Variants in ACTN4 observed in about 807,000 individuals in gnomAD.
ACTN4 encodes actinin alpha 4.
Under a neutral mutation model 114.2 loss-of-function variants are expected in ACTN4, and 18 were observed. That is an observed-to-expected ratio of 0.16 (90% CI 0.11 to 0.23). The LOEUF is 0.23. Ranked by LOEUF, ACTN4 falls within the 10% of genes least tolerant of loss-of-function variation. ACTN4 has a pLI of 1.00. For missense variants in ACTN4, 722 were observed against 1,262.9 expected (o/e 0.57, Z 6.49); for synonymous variants, 515 against 506.3 (o/e 1.02, Z -0.23).
At chr19:38,710,417 C>A in intron 8 of ACTN4, 75 bp downstream of exon 8, 1 of 1,483,180 alleles carries the variant, frequency 6.7e-7, no homozygotes, top group South Asian at 1.1e-5. Context: ...CTCCCGTGCT[C>A]ACCTCATTTC....
chr19:38,689,727 GC>G (rs1055469448), intron 1 of ACTN4, among the ~76,000 whole-genome samples: 16 of 152,134 alleles, frequency 1.1e-4, no homozygotes, highest in African/African-American at 3.9e-4. Flanking sequence ...AGGCTGGAGT[GC>G]AGTGGCGCGA....
At chr19:38,656,794 G>A (rs1289361229) in intron 1 of ACTN4, among the ~76,000 whole-genome samples, 1 of 152,206 alleles carries the variant, frequency 6.6e-6, no homozygotes, top group Non-Finnish European at 1.5e-5. Context: ...CCCCAAAGGT[G>A]TGGGGCTGAG....
At chr19:38,655,636 G>A (rs974258872) in intron 1 of ACTN4, among the ~76,000 whole-genome samples, 4 of 152,118 alleles carry the variant, frequency 2.6e-5, no homozygotes, top group African/African-American at 4.8e-5. Context: ...CTCATGACTG[G>A]ATGATGCTTG....
intron 1 of ACTN4, among the ~76,000 whole-genome samples, chr19:38,662,909 G>GT (rs377341870): frequency 0.18 from 26,205 of 142,088 alleles, 2,556 homozygotes; most frequent in Middle Eastern, 0.4. Flanking sequence ...AAGTGGGTCT[G>GT]TTTTTTTTTT....
chr19:38,697,380 C>T (rs546252751), intron 1 of ACTN4, among the ~76,000 whole-genome samples: 3 of 152,328 alleles, frequency 2.0e-5, no homozygotes, highest in East Asian at 1.9e-4. Context: ...CACACACATG[C>T]GTGTGATTCA....
intron 1 of ACTN4, among the ~76,000 whole-genome samples, chr19:38,678,301 G>C (rs1324047738): frequency 6.6e-6 from 1 of 152,146 alleles, no homozygotes; most frequent in Non-Finnish European, 1.5e-5. Flanking sequence ...GCTACCTGCA[G>C]GTAAAATTAA....
rs1335861068 is a variant in ACTN4 at position 38,714,557 on chromosome 19, G to C, written c.908G>C (p.Ser303Thr). Residue 303 changes from serine to threonine, a missense_variant, in exon 9 of 21, where the codon AGC becomes ACC. Physicochemically the swap from Ser to Thr is moderately conservative, Grantham distance 58. Around this residue, in one of 3 missense-constraint regions of ACTN4, gnomAD observed 523 missense variants for 875.9 expected, o/e 0.60. Transcript: ENST00000252699. Reference sequence around the variant, plus strand: ...ATGGAGGACTACGAGAAGCTGGCCAGCGACGTGAGTGTTCCCCCAGTGAAA... The same window carrying C: ...ATGGAGGACTACGAGAAGCTGGCCACCGACGTGAGTGTTCCCCCAGTGAAA... ...HLMEDYEKLA[S>T]DLLEWIRRTI... is the part of the protein sequence containing the mutation. 1 of 1,614,012 alleles carries C rather than the reference G, an allele frequency of 6.2e-7. No homozygotes were observed.
At chr19:38,690,320 C>T (rs541029139) in intron 1 of ACTN4, among the ~76,000 whole-genome samples, 7 of 152,368 alleles carry the variant, frequency 4.6e-5, no homozygotes, top group Admixed American at 2.0e-4. Flanking sequence ...TCCACCCCTC[C>T]GGATCCAGCA....
At chr19:38,664,065 T>C (rs1312972629) in intron 1 of ACTN4, among the ~76,000 whole-genome samples, 1 of 152,176 alleles carries the variant, frequency 6.6e-6, no homozygotes, top group Non-Finnish European at 1.5e-5. Context: ...ACGGCCGCCC[T>C]GTATTGAGAA....
In ACTN4 at chr19:38,704,918, C is replaced by T. The variant is rs2287728; in HGVS notation, c.398-16C>T. ...TTTAACGACCTTCTGCCCTCTGCCC[C>T]CTTCCCTGTGTGCAGAGATTGTGGA... On this transcript the variant is annotated splice_polypyrimidine_tract_variant and intron_variant, in intron 3 of 20. Coordinates refer to ENST00000252699, the MANE Select transcript of ACTN4 (RefSeq NM_004924.6). 103,709 of 1,611,324 alleles carry T rather than the reference C, an allele frequency of 0.064. 3,696 individuals are homozygous for T. The highest frequency in any genetic ancestry group is 0.1 in the South Asian group (9,213 of 91,022).
intron 3 of ACTN4, 59 bp from the exon 4 acceptor site, chr19:38,704,875 G>A: frequency 6.5e-7 from 1 of 1,530,014 alleles, no homozygotes; most frequent in Non-Finnish European, 9.1e-7. Flanking sequence ...AGGTTGGGCG[G>A]AGGAGCCTCA....
intron 1 of ACTN4, among the ~76,000 whole-genome samples, chr19:38,659,450 A>C (rs1473707621): frequency 6.6e-6 from 1 of 152,196 alleles, no homozygotes; most frequent in Non-Finnish European, 1.5e-5. Flanking sequence ...ATGATTGGTT[A>C]ATAGATTGTG....
At chr19:38,680,799 C>T (rs529161063) in intron 1 of ACTN4, among the ~76,000 whole-genome samples, 4 of 152,164 alleles carry the variant, frequency 2.6e-5, no homozygotes, top group Admixed American at 2.6e-4. Context: ...CTACCATTGT[C>T]CTTACTCAGG....
intron 9 of ACTN4, among the ~76,000 whole-genome samples, chr19:38,716,762 G>A (rs549142787): frequency 3.9e-5 from 6 of 152,332 alleles, no homozygotes; most frequent in South Asian, 4.1e-4. Flanking sequence ...GCTTCAGCCC[G>A]GGAGGTTGCT....
intron 1 of ACTN4, among the ~76,000 whole-genome samples, chr19:38,660,394 GTT>G (rs913363099): frequency 6.7e-6 from 1 of 149,674 alleles, no homozygotes; most frequent in African/African-American, 2.5e-5. Flanking sequence ...ACTGGTTTTT[GTT>G]TTTTTTTCTT....
At chr19:38,713,451 T>C (rs1452010099) in intron 8 of ACTN4, among the ~76,000 whole-genome samples, 3 of 152,208 alleles carry the variant, frequency 2.0e-5, no homozygotes, top group Non-Finnish European at 4.4e-5. Flanking sequence ...CACACTGGCC[T>C]GGGGCCCATG....
intron 1 of ACTN4, among the ~76,000 whole-genome samples, chr19:38,662,693 A>G (rs1399527538): frequency 3.9e-5 from 6 of 152,264 alleles, no homozygotes; most frequent in Non-Finnish European, 7.4e-5. Context: ...GTCCTACCCC[A>G]CGTTTGGGAC....
chr19:38,730,863 T>C lies in ACTN4; in HGVS notation c.*1431T>C, dbSNP rs1276445692. On this transcript the variant is annotated 3_prime_UTR_variant, in exon 21 of 21. Transcript: ENST00000252699. The stretch of plus-strand genomic sequence containing the variant: ...CCCATCCGGAGATCCTAGGAGAAGG[T>C]GGCCACCTCCATCCACTAAGGAAGA... The C allele has an allele frequency of 1.9e-6, 3 of 1,551,274 alleles. No homozygotes were observed. Among genetic ancestry groups the C allele is most frequent in the South Asian group, 2.4e-5 (2 of 84,090 alleles).
chr19:38,705,150 C>T, intron 4 of ACTN4, 130 bp downstream of exon 4: 1 of 866,968 alleles, frequency 1.2e-6, no homozygotes, highest in Middle Eastern at 2.2e-4. Context: ...CTGGCCCTTG[C>T]AGGGGTAGTC....
Sources: allele counts gnomAD v4.1 joint callset (sites outside exome capture counted in the v4.1 genomes callset), GRCh38; gene constraint gnomAD v4.1.1; regional missense constraint gnomAD v4.1.1; transcripts MANE v1.5; gene names NCBI Gene and HGNC (gene_info 2026-07-23, HGNC 2026-07-21).